PTPRD: variants seen among roughly 807,000 people sequenced by gnomAD.
The protein encoded by PTPRD is receptor-type tyrosine-protein phosphatase delta.
Under a neutral mutation model 214.5 loss-of-function variants are expected in PTPRD, and 34 were observed. That is an observed-to-expected ratio of 0.16 (90% confidence interval 0.12 to 0.21). The LOEUF (loss-of-function observed/expected upper bound fraction) is 0.21, where lower values mean the gene tolerates loss of function less well. Ranked by LOEUF, PTPRD falls within the 10% of genes least tolerant of loss-of-function variation. PTPRD has a pLI of 1.00. For missense variants in PTPRD, 2,545 were observed against 2,398.7 expected, an observed-to-expected ratio of 1.06 and a Z score of -1.27; for synonymous variants, 1,128 against 845.7, an observed-to-expected ratio of 1.33 and a Z score of -5.79.
intron 12 of PTPRD, among the ~76,000 whole-genome samples, chr9:8,651,463 C>T (rs747846964): frequency 3.3e-5 from 5 of 152,086 alleles, no homozygotes; most frequent in East Asian, 1.9e-4. Context: ...GGCTAGGGTA[C>T]GATTCCTTGG....
chr9:8,958,168 GC>G, intron 11 of PTPRD, among the ~76,000 whole-genome samples: 2 of 151,952 alleles, frequency 1.3e-5, no homozygotes, highest in Non-Finnish European at 1.5e-5. Context: ...TGAGACGGGT[GC>G]CAGAATTTGC....
intron 5 of PTPRD, among the ~76,000 whole-genome samples, chr9:9,855,397 T>C (rs2061358976): frequency 1.3e-5 from 2 of 152,112 alleles, no homozygotes; most frequent in Admixed American, 1.3e-4. Flanking sequence ...GCAGAGGCTC[T>C]CTCTACTTTG....
intron 9 of PTPRD, among the ~76,000 whole-genome samples, chr9:9,219,353 C>T (rs772401609): frequency 6.6e-6 from 1 of 151,664 alleles, no homozygotes; most frequent in African/African-American, 2.4e-5. Flanking sequence ...TTGTTTTGTT[C>T]AAAATATCAA....
intron 8 of PTPRD, among the ~76,000 whole-genome samples, chr9:9,398,275 C>T (rs1044867367): frequency 2.6e-5 from 4 of 151,894 alleles, no homozygotes; most frequent in African/African-American, 9.7e-5. Context: ...TAGATGTTCC[C>T]ACCATATTTT....
At chr9:8,890,152 AT>A (rs1202430040) in intron 11 of PTPRD, among the ~76,000 whole-genome samples, 2 of 152,226 alleles carry the variant, frequency 1.3e-5, no homozygotes, top group Non-Finnish European at 2.9e-5. Flanking sequence ...ATATGTCAGA[AT>A]ATTCTCATCA....
chr9:10,053,989 C>G (rs1367459835), intron 3 of PTPRD, among the ~76,000 whole-genome samples: 1 of 152,094 alleles, frequency 6.6e-6, no homozygotes, highest in Admixed American at 6.6e-5. Flanking sequence ...GAACTCCTGA[C>G]CTCAAGTGAT....
Position 8,521,499 on chromosome 9 carries a change from T to A in PTPRD, c.739A>T (p.Ile247Phe), listed in dbSNP as rs371571276. 3 of 1,613,958 alleles carry A rather than the reference T, an allele frequency of 1.9e-6. No individual in the cohort carries two copies. Among genetic ancestry groups the A allele is most frequent in the Non-Finnish European group, 2.5e-6 (3 of 1,179,910 alleles). Residue 247 changes from isoleucine (I) to phenylalanine (F), a missense_variant, in exon 20 of 46, where the codon ATC (isoleucine) becomes TTC (phenylalanine). Physicochemically the swap from Ile to Phe is conservative, Grantham distance 21. Coordinates refer to ENST00000381196, the MANE Select transcript of PTPRD (RefSeq NM_002839.4). ...RFSIPPTNHE[I>F]MPGGSVNITC... Reference sequence around the variant, plus strand: ...ATATTAACGCTTCCGCCTGGCATGATTTCATGATTAGTGGGTGGGATAGAG... The same window carrying A: ...ATATTAACGCTTCCGCCTGGCATGAATTCATGATTAGTGGGTGGGATAGAG...
intron 9 of PTPRD, among the ~76,000 whole-genome samples, chr9:9,372,185 G>A (rs904698648): frequency 1.3e-4 from 20 of 152,078 alleles, no homozygotes; most frequent in Admixed American, 4.6e-4. Context: ...TTTCTGTCTC[G>A]TTGATCTGTC....
intron 5 of PTPRD, among the ~76,000 whole-genome samples, chr9:9,798,789 A>T (rs1414763738): frequency 1.3e-5 from 2 of 152,204 alleles, no homozygotes; most frequent in Non-Finnish European, 2.9e-5. Context: ...AGACACAGCA[A>T]ATTGGAAGCA....
In PTPRD at chr9:8,485,113, G is replaced by T. The variant is rs1345535271; in HGVS notation, c.3153+114C>A. 7.9e-6 allele frequency: 6 copies of T among 757,286 alleles called. No individual in the cohort carries two copies. In the East Asian group the frequency reaches 1.6e-4, roughly 20 times the overall value. 46.9% of individuals were successfully genotyped at this position (757,286 alleles called of 1,614,324 possible). A position where few individuals can be genotyped will look rare whatever the true frequency, so the allele number is the denominator to read the frequency against. ...CATGTGAAAGTCACAAATGAAAATA[G>T]CAAGGACACGTGGCCAAAACAAAGT... On this transcript the variant is annotated intron_variant, in intron 29 of 45. Transcript: ENST00000381196.
intron 5 of PTPRD, among the ~76,000 whole-genome samples, chr9:9,872,679 A>T (rs1003051053): frequency 6.6e-6 from 1 of 152,164 alleles, no homozygotes; most frequent in Admixed American, 6.6e-5. Flanking sequence ...CACTTAAAGG[A>T]CATAGCACAG....
chr9:9,816,717 A>G (rs2048892330), intron 5 of PTPRD, among the ~76,000 whole-genome samples: 2 of 152,040 alleles, frequency 1.3e-5, no homozygotes, highest in South Asian at 2.1e-4. Flanking sequence ...CCTTACCCCA[A>G]AATATCACTG....
At chr9:9,382,128 C>A (rs1220345154) in intron 9 of PTPRD, among the ~76,000 whole-genome samples, 3 of 150,644 alleles carry the variant, frequency 2.0e-5, no homozygotes, top group African/African-American at 4.9e-5. Flanking sequence ...GTATTTTACT[C>A]TTTTTTGTGC....
intron 12 of PTPRD, among the ~76,000 whole-genome samples, chr9:8,728,171 ACCGAGGAGGCGGAGGTTGCGATGAG>A (rs1216217712): frequency 6.6e-6 from 1 of 152,116 alleles, no homozygotes; most frequent in Non-Finnish European, 1.5e-5. Flanking sequence ...AATCGCTTGA[ACCGAGGAGGCGGAGGTTGCGATGAG>A]CCAAGATCGT....
intron 2 of PTPRD, among the ~76,000 whole-genome samples, chr9:10,454,386 C>A (rs1175149329): frequency 1.3e-5 from 2 of 151,324 alleles, no homozygotes; most frequent in African/African-American, 4.9e-5. Flanking sequence ...CTCCAGGATC[C>A]TTGAGCCAAA....
intron 11 of PTPRD, among the ~76,000 whole-genome samples, chr9:8,813,466 G>T (rs561951381): frequency 2.6e-5 from 4 of 152,164 alleles, no homozygotes; most frequent in African/African-American, 9.6e-5. Flanking sequence ...GACCTCCTAG[G>T]CTGAAGCAAT....
chr9:8,802,975 C>T (rs1303007609), intron 11 of PTPRD, among the ~76,000 whole-genome samples: 2 of 152,014 alleles, frequency 1.3e-5, no homozygotes, highest in East Asian at 1.9e-4. Context: ...ATCACTTGAG[C>T]CCAGGAGTTT....
rs572850373 is a variant in PTPRD, at chr9:9,597,763, A to G, written c.-286-22982T>C. Among the ~76,000 whole-genome samples, 6 of 152,164 alleles carry G rather than the reference A, an allele frequency of 3.9e-5. No homozygotes were observed. In the East Asian group the frequency reaches 9.7e-4, roughly 25 times the overall value. The stretch of plus-strand genomic sequence containing the variant: ...GCGAAGAGACAGGTGAACAAGAAAT[A>G]AAGGTAACAGATACATGTATATATT... On this transcript the variant is annotated intron_variant, in intron 7 of 45. Coordinates refer to ENST00000381196, the MANE Select transcript of PTPRD (RefSeq NM_002839.4).
intron 12 of PTPRD, among the ~76,000 whole-genome samples, chr9:8,705,986 G>A (rs963357798): frequency 3.3e-5 from 5 of 152,084 alleles, no homozygotes; most frequent in Non-Finnish European, 5.9e-5. Flanking sequence ...TCCAAGCCAG[G>A]CATTCATTTC....
Sources: gnomAD v4.1 joint callset for allele counts (sites outside exome capture counted in the v4.1 genomes callset) on GRCh38, gnomAD v4.1.1 for gene constraint, MANE v1.5 for transcripts, NCBI Gene and HGNC (gene_info 2026-07-23, HGNC 2026-07-21) for gene names.